The following VWC2L variants were observed in gnomAD, a reference collection of about 807,000 sequenced individuals.
The protein encoded by VWC2L is von Willebrand factor C domain-containing protein 2-like.
Under a neutral mutation model 21.6 loss-of-function variants are expected in VWC2L, and 10 were observed. The observed-to-expected ratio is 0.46, with a 90% confidence interval of 0.29 to 0.78. The LOEUF is 0.78. Among genes scored for constraint, VWC2L ranks in the 30% least tolerant of loss-of-function variants. The pLI is 0.10. For missense variants in VWC2L, 209 were observed against 277.1 expected (o/e 0.75, Z 1.74); for synonymous variants, 96 against 94.3 (o/e 1.02, Z -0.10).
At chr2:214,483,261 A>T (rs759473888) in intron 3 of VWC2L, among the ~76,000 whole-genome samples, 3 of 152,148 alleles carry the variant, frequency 2.0e-5, no homozygotes, top group Non-Finnish European at 4.4e-5. Flanking sequence ...TACCACTACA[A>T]TGTCCATGAT....
intron 2 of VWC2L, among the ~76,000 whole-genome samples, chr2:214,428,285 G>A (rs964469417): frequency 6.6e-6 from 1 of 152,244 alleles, no homozygotes; most frequent in East Asian, 1.9e-4. Context: ...TCTTACAAGC[G>A]AAAAACCCAG....
chr2:214,429,955 C>T (rs929566404), intron 2 of VWC2L, among the ~76,000 whole-genome samples: 1 of 152,116 alleles, frequency 6.6e-6, no homozygotes, highest in African/African-American at 2.4e-5. Context: ...TTCCGAGTAG[C>T]TGGGACTACA....
At chr2:214,549,385 G>A (rs1040908751) in intron 3 of VWC2L, among the ~76,000 whole-genome samples, 12 of 152,140 alleles carry the variant, frequency 7.9e-5, no homozygotes, top group Non-Finnish European at 1.3e-4. Context: ...ACCAATTTAG[G>A]ACATTATTTC....
At chr2:214,528,294 CT>C (rs1434803979) in intron 3 of VWC2L, among the ~76,000 whole-genome samples, 1 of 152,136 alleles carries the variant, frequency 6.6e-6, no homozygotes, top group Non-Finnish European at 1.5e-5. Context: ...AGTAATTATT[CT>C]TCATGAATCA....
chr2:214,412,642 A>G (rs1702296190), intron 1 of VWC2L, among the ~76,000 whole-genome samples: 1 of 152,062 alleles, frequency 6.6e-6, no homozygotes, highest in Non-Finnish European at 1.5e-5. Flanking sequence ...TTCTGATATC[A>G]GCTTTCTCCA....
intron 3 of VWC2L, among the ~76,000 whole-genome samples, chr2:214,470,646 C>T (rs1432882303): frequency 6.6e-6 from 1 of 152,044 alleles, no homozygotes; most frequent in African/African-American, 2.4e-5. Flanking sequence ...CAGTGGCTCA[C>T]ACCTGTAATC....
At chr2:214,545,394 G>A (rs897902589) in intron 3 of VWC2L, among the ~76,000 whole-genome samples, 2 of 152,142 alleles carry the variant, frequency 1.3e-5, no homozygotes, top group Non-Finnish European at 1.5e-5. Context: ...ACACATGGCT[G>A]TTGCTTTTTG....
chr2:214,563,546 C>CAAAAAAA lies in VWC2L; in HGVS notation c.521-12097_521-12091dup, dbSNP rs55864016. Among the ~76,000 whole-genome samples, 51 of 95,856 alleles carry CAAAAAAA rather than the reference C, an allele frequency of 5.3e-4. 2 individuals are homozygous for CAAAAAAA. The highest frequency in any genetic ancestry group is 1.4e-3 in the African/African-American group (34 of 23,788). 62.9% of individuals were successfully genotyped at this position (95,856 alleles called of 152,430 possible). On this transcript the variant is annotated intron_variant, in intron 3 of 3. Coordinates refer to ENST00000312504, the MANE Select transcript of VWC2L (RefSeq NM_001080500.4). Reference sequence around the variant, plus strand: ...TGGGTGACACAGCAAGACTCCGTCTCAAAAAAAAAAAAAAAAAAAAAAAAA... The same window carrying CAAAAAAA: ...TGGGTGACACAGCAAGACTCCGTCTCAAAAAAAAAAAAAAAAAAAAAAAAAAAAAAAA...
intron 3 of VWC2L, among the ~76,000 whole-genome samples, chr2:214,479,581 G>A (rs1017292833): frequency 1.6e-4 from 25 of 152,142 alleles, no homozygotes; most frequent in Admixed American, 1.6e-3. Flanking sequence ...GAGGCAGGCG[G>A]ATCACCTGAG....
intron 3 of VWC2L, among the ~76,000 whole-genome samples, chr2:214,472,809 A>G (rs558454705): frequency 3.3e-4 from 51 of 152,328 alleles, no homozygotes; most frequent in African/African-American, 1.2e-3. Flanking sequence ...AGTCTATCAT[A>G]CAAGTCATTG....
chr2:214,468,025 CTT>C (rs945624825), intron 3 of VWC2L, among the ~76,000 whole-genome samples: 1 of 148,188 alleles, frequency 6.7e-6, no homozygotes, highest in African/African-American at 2.5e-5. Context: ...GGTTTTACGT[CTT>C]TTTTTTTTGA....
intron 1 of VWC2L, among the ~76,000 whole-genome samples, chr2:214,413,257 C>A (rs1056451232): frequency 6.6e-6 from 1 of 151,644 alleles, no homozygotes; most frequent in Non-Finnish European, 1.5e-5. Context: ...TATTATATTG[C>A]AAATTTTAAT....
chr2:214,515,530 G>GT (rs1301721418), intron 3 of VWC2L, among the ~76,000 whole-genome samples: 1 of 151,972 alleles, frequency 6.6e-6, no homozygotes, highest in Non-Finnish European at 1.5e-5. Context: ...AATCCACATG[G>GT]TTTTTCATTT....
intron 3 of VWC2L, among the ~76,000 whole-genome samples, chr2:214,525,711 AG>A (rs2105913487): frequency 6.6e-6 from 1 of 152,218 alleles, no homozygotes; most frequent in East Asian, 1.9e-4. Context: ...ATGAGAAAAA[AG>A]TCAGTCAATA....
intron 3 of VWC2L, among the ~76,000 whole-genome samples, chr2:214,512,744 T>C (rs1421668329): frequency 6.6e-6 from 1 of 151,256 alleles, no homozygotes; most frequent in Non-Finnish European, 1.5e-5. Context: ...AGTTTCCCCA[T>C]ACAACAGTGG....
intron 3 of VWC2L, among the ~76,000 whole-genome samples, chr2:214,535,987 T>A (rs964464561): frequency 1.4e-4 from 21 of 152,168 alleles, no homozygotes; most frequent in African/African-American, 5.1e-4. Flanking sequence ...TTACACCCAT[T>A]TAAATTTCCT....
At chr2:214,504,675 C>A (rs1410250091) in intron 3 of VWC2L, among the ~76,000 whole-genome samples, 2 of 152,206 alleles carry the variant, frequency 1.3e-5, no homozygotes, top group Non-Finnish European at 1.5e-5. Context: ...GCAGCATGAA[C>A]TGGCATTAGT....
chr2:214,500,209 G>A (rs1016513362), intron 3 of VWC2L, among the ~76,000 whole-genome samples: 1 of 152,162 alleles, frequency 6.6e-6, no homozygotes, highest in Non-Finnish European at 1.5e-5. Flanking sequence ...CTTAGAAATA[G>A]CATAAACTAC....
intron 3 of VWC2L, among the ~76,000 whole-genome samples, chr2:214,452,002 T>C (rs1413098737): frequency 6.6e-6 from 1 of 152,210 alleles, no homozygotes; most frequent in Non-Finnish European, 1.5e-5. Context: ...TCAAGTTCCT[T>C]TATAGTTCTT....
Sources: allele counts gnomAD v4.1 joint callset (sites outside exome capture counted in the v4.1 genomes callset), GRCh38; gene constraint gnomAD v4.1.1; transcripts MANE v1.5; gene names NCBI Gene and HGNC (gene_info 2026-07-23, HGNC 2026-07-21).